The following PTPRJ variants were observed in gnomAD, a reference collection of about 807,000 sequenced individuals.
The protein encoded by PTPRJ is protein tyrosine phosphatase receptor type J, also known as receptor-type tyrosine-protein phosphatase eta.
In PTPRJ, 129 loss-of-function variants were observed where a neutral mutation model predicts 141.3. The ratio of observed to expected loss-of-function variants is 0.91; its 90% CI spans 0.79 to 1.06. PTPRJ has a LOEUF of 1.06. PTPRJ is among the 50% of genes least tolerant of loss of function. The probability of loss-of-function intolerance (pLI) is 0.00; values close to 1 mark genes in which losing one functional copy is unlikely to be tolerated. For missense variants in PTPRJ, 1,601 were observed against 1,679.7 expected (o/e 0.95, Z 0.82); for synonymous variants, 610 against 640.5 (o/e 0.95, Z 0.72).
intron 1 of PTPRJ, among the ~76,000 whole-genome samples, chr11:48,048,519 C>T (rs888799473): frequency 7.9e-5 from 12 of 152,300 alleles, no homozygotes; most frequent in Middle Eastern, 3.4e-3. Flanking sequence ...ATGGGCCGGG[C>T]GCAGTGGCTC....
At chr11:48,109,916 C>A in intron 1 of PTPRJ, 142 bp from the exon 2 acceptor site, 1 of 908,676 alleles carries the variant, frequency 1.1e-6, no homozygotes. Context: ...CCAAGACGGC[C>A]TAACCCTGAC....
chr11:47,994,604 G>A (rs1452236321), intron 1 of PTPRJ, among the ~76,000 whole-genome samples: 4 of 152,022 alleles, frequency 2.6e-5, no homozygotes, highest in Admixed American at 2.0e-4. Context: ...TCCTGGAGGC[G>A]GAGTGAGCCA....
chr11:48,144,118 C>G (rs1857296922), intron 12 of PTPRJ, among the ~76,000 whole-genome samples: 1 of 152,090 alleles, frequency 6.6e-6, no homozygotes, highest in Non-Finnish European at 1.5e-5. Flanking sequence ...GGATAGAGAC[C>G]AAACACACTG....
rs1244801463 is a variant in PTPRJ at position 48,016,301 on chromosome 11, CTCGT to C, written c.96+35295_96+35298del. ...TTATGTTCTTCACAGCTGCTTCCCA[CTCGT>C]TATCCTCATAGTAGCCCAGGGTAGA... On this transcript the variant is annotated intron_variant, in intron 1 of 24. Coordinates refer to ENST00000418331, the MANE Select transcript of PTPRJ (RefSeq NM_002843.4). Among the ~76,000 whole-genome samples, 3 of 152,204 alleles carry C rather than the reference CTCGT, an allele frequency of 2.0e-5. No homozygotes were observed. In the East Asian group the frequency reaches 5.8e-4, roughly 29 times the overall value.
chr11:47,994,680 TA>T (rs1412712771), intron 1 of PTPRJ, among the ~76,000 whole-genome samples: 5 of 151,650 alleles, frequency 3.3e-5, no homozygotes, highest in Non-Finnish European at 7.4e-5. Flanking sequence ...AATAAATAAA[TA>T]AATAAATAAA....
intron 1 of PTPRJ, among the ~76,000 whole-genome samples, chr11:48,031,952 G>C (rs748215059): frequency 6.6e-6 from 1 of 152,146 alleles, no homozygotes; most frequent in Admixed American, 6.5e-5. Flanking sequence ...CCCCACCCCC[G>C]TCAACGTTAG....
chr11:48,038,526 C>T (rs1456664344), intron 1 of PTPRJ, among the ~76,000 whole-genome samples: 1 of 151,578 alleles, frequency 6.6e-6, no homozygotes, highest in Non-Finnish European at 1.5e-5. Context: ...GAGTCTCGCT[C>T]TGTCACCCAG....
intron 1 of PTPRJ, among the ~76,000 whole-genome samples, chr11:48,082,793 A>C (rs1384627272): frequency 6.6e-6 from 1 of 152,132 alleles, no homozygotes. Flanking sequence ...CATGTATTAC[A>C]TAATAGGGGT....
At chr11:48,096,365 C>T (rs1208895788) in intron 1 of PTPRJ, among the ~76,000 whole-genome samples, 4 of 152,034 alleles carry the variant, frequency 2.6e-5, no homozygotes, top group Admixed American at 6.6e-5. Context: ...CAAATTCCTG[C>T]GAAGGCCGAT....
intron 1 of PTPRJ, among the ~76,000 whole-genome samples, chr11:48,051,382 A>G (rs1056791330): frequency 6.6e-6 from 1 of 152,178 alleles, no homozygotes; most frequent in Non-Finnish European, 1.5e-5. Context: ...GGCGTGAGCC[A>G]TTGCACCTGG....
chr11:48,060,335 A>G (rs1397967424), intron 1 of PTPRJ, among the ~76,000 whole-genome samples: 2 of 152,224 alleles, frequency 1.3e-5, no homozygotes, highest in East Asian at 1.9e-4. Flanking sequence ...TCTCTTTTCC[A>G]TTAAAGTGTG....
chr11:48,097,541 ATT>A (rs200794019), intron 1 of PTPRJ, among the ~76,000 whole-genome samples: 1 of 146,018 alleles, frequency 6.8e-6, no homozygotes. Context: ...CCTGAAGAAA[ATT>A]TTTTTTTTTT....
chr11:48,115,700 TAA>T (rs1565310268), intron 3 of PTPRJ, among the ~76,000 whole-genome samples: 1 of 152,186 alleles, frequency 6.6e-6, no homozygotes, highest in African/African-American at 2.4e-5. Context: ...AGTTAAAAGA[TAA>T]TACTTAAAAA....
At chr11:48,033,748 T>C (rs532036925) in intron 1 of PTPRJ, among the ~76,000 whole-genome samples, 3 of 152,238 alleles carry the variant, frequency 2.0e-5, no homozygotes, top group African/African-American at 7.2e-5. Context: ...GTACCCACAA[T>C]GATGGCCCTT....
chr11:48,007,095 CT>C (rs886178897), intron 1 of PTPRJ, among the ~76,000 whole-genome samples: 10 of 148,342 alleles, frequency 6.7e-5, no homozygotes, highest in African/African-American at 1.7e-4. Flanking sequence ...AGTCCTGTTT[CT>C]TTTTTTTTTC....
intron 1 of PTPRJ, among the ~76,000 whole-genome samples, chr11:48,038,499 CT>C (rs960885146): frequency 1.1e-4 from 17 of 148,834 alleles, no homozygotes; most frequent in African/African-American, 3.2e-4. Context: ...AGTAGCCATT[CT>C]TTTTTTTTTG....
chr11:48,091,159 A>AGGAGCCTCTGTGCCTT (rs1160066717), intron 1 of PTPRJ, among the ~76,000 whole-genome samples: 2 of 152,144 alleles, frequency 1.3e-5, no homozygotes, highest in Non-Finnish European at 2.9e-5. Context: ...GGGCAATGTT[A>AGGAGCCTCTGTGCCTT]GGAGCCTCTG....
At chr11:47,982,897 CT>C (rs143619268) in intron 1 of PTPRJ, among the ~76,000 whole-genome samples, 37 of 148,130 alleles carry the variant, frequency 2.5e-4, no homozygotes, top group African/African-American at 5.9e-4. Context: ...TCTCTTATTT[CT>C]TTTTTTTTTG....
Position 48,137,288 on chromosome 11 carries a change from G to A in PTPRJ, c.2152+7G>A. 6.2e-7 allele frequency: 1 copy of A among 1,610,726 alleles called. No individual in the cohort carries two copies. The highest frequency in any genetic ancestry group is 8.5e-7 in the Non-Finnish European group (1 of 1,177,418). On this transcript the variant is annotated splice_region_variant and intron_variant, in intron 10 of 24. Transcript: ENST00000418331. ...CGGAAGTCATTCTGTACAGGTGAGT[G>A]TAGCCCCAACTGCCTCTTGGACTCC...
Sources: allele counts gnomAD v4.1 joint callset (sites outside exome capture counted in the v4.1 genomes callset), GRCh38; gene constraint gnomAD v4.1.1; transcripts MANE v1.5; gene names NCBI Gene and HGNC (gene_info 2026-07-23, HGNC 2026-07-21).